CDC42BPA: variants seen among roughly 807,000 people sequenced by gnomAD.
CDC42BPA encodes serine/threonine-protein kinase MRCK alpha.
CDC42BPA carries 80 observed loss-of-function variants against 223.5 expected under a neutral mutation model. The ratio of observed to expected loss-of-function variants is 0.36; its 90% CI spans 0.30 to 0.43. The LOEUF is 0.43. Among genes scored for constraint, CDC42BPA ranks in the 20% least tolerant of loss-of-function variants. The pLI is 1.00. For missense variants in CDC42BPA, 1,743 were observed against 2,099.9 expected (o/e 0.83, Z 3.32); for synonymous variants, 694 against 718.6 (o/e 0.97, Z 0.55).
At chr1:227,135,964 G>A (rs1658488037) in intron 10 of CDC42BPA, among the ~76,000 whole-genome samples, 1 of 149,926 alleles carries the variant, frequency 6.7e-6, no homozygotes, top group Non-Finnish European at 1.5e-5. Flanking sequence ...CCTCTCTGGG[G>A]CAAAAATAAT....
chr1:227,186,172 A>G (rs1298128364), intron 5 of CDC42BPA, among the ~76,000 whole-genome samples: 2 of 152,202 alleles, frequency 1.3e-5, no homozygotes, highest in African/African-American at 4.8e-5. Flanking sequence ...TAAAAACTCC[A>G]AAGGCAGCCC....
At chr1:227,112,643 G>T in intron 13 of CDC42BPA, 28 bp downstream of exon 13, 1 of 1,608,660 alleles carries the variant, frequency 6.2e-7, no homozygotes, top group South Asian at 1.1e-5. Context: ...TATCCCATGG[G>T]CACTACAAAA....
At chr1:227,061,168 C>A (rs1675855376) in intron 21 of CDC42BPA, among the ~76,000 whole-genome samples, 1 of 152,128 alleles carries the variant, frequency 6.6e-6, no homozygotes, top group African/African-American at 2.4e-5. Context: ...AGGTTCAAAC[C>A]TAGTTACTTT....
chr1:227,214,113 T>C (rs996703986), intron 2 of CDC42BPA, among the ~76,000 whole-genome samples: 3 of 151,808 alleles, frequency 2.0e-5, no homozygotes, highest in South Asian at 2.1e-4. Flanking sequence ...AATGCTACTC[T>C]AATATGCAGA....
At chr1:227,225,780 G>A (rs534279761) in intron 2 of CDC42BPA, among the ~76,000 whole-genome samples, 3 of 137,132 alleles carry the variant, frequency 2.2e-5, no homozygotes, top group African/African-American at 8.3e-5. Context: ...TAGTGAAGCA[G>A]GGAATACCTC....
At chr1:227,038,556 A>G (rs1670766780) in intron 24 of CDC42BPA, among the ~76,000 whole-genome samples, 2 of 152,224 alleles carry the variant, frequency 1.3e-5, no homozygotes, top group Non-Finnish European at 2.9e-5. Context: ...ATAACAGCAC[A>G]AACAACAGCC....
intron 3 of CDC42BPA, among the ~76,000 whole-genome samples, 176 bp from the exon 4 acceptor site, chr1:227,199,828 G>T (rs1057402051): frequency 6.6e-6 from 1 of 152,016 alleles, no homozygotes; most frequent in Non-Finnish European, 1.5e-5. Flanking sequence ...TACTGGAATA[G>T]TACCTTTTAA....
chr1:227,145,711 C>A lies in CDC42BPA; in HGVS notation c.921G>T (p.Val307=). The change falls in exon 8 of 37, where the codon GTG becomes GTT. Residue 307 remains valine (V), a synonymous_variant. Coordinates refer to ENST00000366766, the MANE Select transcript of CDC42BPA (RefSeq NM_001394014.1). ...CCTTAGCATTTTCAGACACATCAGT[C>A]ACTTGGGCTGGAAACTGAAACCTCT... ...HKERFQFPAQ[V]TDVSENAKDL... The A allele has an allele frequency of 1.2e-6, 2 of 1,613,514 alleles. No individual in the cohort carries two copies. The highest frequency in any genetic ancestry group is 2.2e-5 in the South Asian group (2 of 90,976).
chr1:227,126,643 C>T (rs1571826486), intron 11 of CDC42BPA, among the ~76,000 whole-genome samples: 1 of 152,248 alleles, frequency 6.6e-6, no homozygotes, highest in Non-Finnish European at 1.5e-5. Context: ...AATAATTGTA[C>T]ACCATGACCA....
chr1:227,239,341 GGC>G (rs2148085811), intron 2 of CDC42BPA, among the ~76,000 whole-genome samples: 1 of 152,248 alleles, frequency 6.6e-6, no homozygotes, highest in African/African-American at 2.4e-5. Flanking sequence ...ATACTACAAT[GGC>G]AGATACATAA....
chr1:227,299,493 A>T (rs1209525602), intron 1 of CDC42BPA, among the ~76,000 whole-genome samples: 1 of 152,204 alleles, frequency 6.6e-6, no homozygotes, highest in Non-Finnish European at 1.5e-5. Context: ...AAAATATACT[A>T]AACTGTCATA....
In CDC42BPA at chr1:227,297,927, C is replaced by T. The variant is rs543180273; in HGVS notation, c.178+19078G>A. ...ATACACTTTAAAGGGGCTAAAATGG[C>T]AAATTTTGTTTTATGTGTGTGTGTG... On this transcript the variant is annotated intron_variant, in intron 1 of 36. Transcript: ENST00000366766. Among the ~76,000 whole-genome samples, 5 of 139,566 alleles carry T rather than the reference C, an allele frequency of 3.6e-5. No individual in the cohort carries two copies. In the South Asian group the frequency reaches 6.8e-4, roughly 19 times the overall value. The allele number at this position is 139,566 out of a possible 152,430, so 91.6% of individuals were successfully genotyped here. A position where few individuals can be genotyped will look rare whatever the true frequency, so the allele number is the denominator to read the frequency against.
At chr1:227,083,155 T>C (rs973938491) in intron 16 of CDC42BPA, among the ~76,000 whole-genome samples, 1 of 138,778 alleles carries the variant, frequency 7.2e-6, no homozygotes. Context: ...CCACCATCTC[T>C]CTCCTTGCCT....
intron 2 of CDC42BPA, among the ~76,000 whole-genome samples, chr1:227,253,607 A>AATAAATACATACATACACACATACATAC (rs368046447): frequency 1.7e-5 from 2 of 116,466 alleles, no homozygotes; most frequent in African/African-American, 6.7e-5. Context: ...AAAATAAATA[A>AATAAATACATACATACACACATACATAC]ATACATACAT....
intron 1 of CDC42BPA, among the ~76,000 whole-genome samples, chr1:227,267,143 A>G (rs560319888): frequency 6.6e-6 from 1 of 152,348 alleles, no homozygotes; most frequent in East Asian, 1.9e-4. Flanking sequence ...TGCTTAATTT[A>G]TGCATTTTTA....
At chr1:227,220,657 A>T (rs1260046599) in intron 2 of CDC42BPA, among the ~76,000 whole-genome samples, 2 of 146,464 alleles carry the variant, frequency 1.4e-5, no homozygotes, top group African/African-American at 5.1e-5. Context: ...CCTCATGCCA[A>T]CTCTAAATGT....
At chr1:227,316,718 T>A (rs1045483052) in intron 1 of CDC42BPA, among the ~76,000 whole-genome samples, 2 of 152,226 alleles carry the variant, frequency 1.3e-5, no homozygotes, top group African/African-American at 4.8e-5. Flanking sequence ...CTTTTGCCCA[T>A]CACAGAATTG....
chr1:227,229,176 T>A (rs1413067844), intron 2 of CDC42BPA, among the ~76,000 whole-genome samples: 1 of 152,182 alleles, frequency 6.6e-6, no homozygotes, highest in Non-Finnish European at 1.5e-5. Flanking sequence ...CTATGATCTA[T>A]ATTGAGTTAA....
chr1:227,113,098 T>C (rs1687191620), intron 12 of CDC42BPA, among the ~76,000 whole-genome samples, 185 bp from the exon 13 acceptor site: 1 of 152,236 alleles, frequency 6.6e-6, no homozygotes, highest in Admixed American at 6.5e-5. Flanking sequence ...CTCAATTCCT[T>C]ATGCTAATAC....
Sources: allele counts gnomAD v4.1 joint callset (sites outside exome capture counted in the v4.1 genomes callset), GRCh38; gene constraint gnomAD v4.1.1; transcripts MANE v1.5; gene names NCBI Gene and HGNC (gene_info 2026-07-23, HGNC 2026-07-21).